Variants in COL4A6 observed in about 807,000 individuals in gnomAD.
COL4A6 encodes collagen type IV alpha 6 chain, also known as collagen alpha-6(IV) chain.
In COL4A6, 59 loss-of-function variants were observed where a neutral mutation model predicts 126.7. The observed-to-expected ratio is 0.47, with a 90% CI of 0.38 to 0.58. COL4A6 has a LOEUF of 0.58. COL4A6 is among the 20% of genes least tolerant of loss of function. COL4A6 has a pLI of 0.00. For missense variants in COL4A6, 1,285 were observed against 1,337.3 expected (o/e 0.96, Z 0.61); for synonymous variants, 547 against 496.6 (o/e 1.10, Z -1.35).
Position 108,356,303 on chromosome X carries a change from A to G in COL4A6, c.64-45475T>C, listed in dbSNP as rs777130339. On this transcript the variant is annotated intron_variant, in intron 2 of 44. Coordinates refer to ENST00000334504, the MANE Select transcript of COL4A6 (RefSeq NM_033641.4). ...TATGTAACTAACCTGCACATTGTGC[A>G]TATGTACCCTAAAACTTAAAGTATA... is the stretch of plus-strand genomic sequence containing the variant. 1.5e-3 allele frequency among the ~76,000 whole-genome samples: 168 copies of G among 110,334 alleles called. 12 individuals carry two copies. Among genetic ancestry groups the G allele is most frequent in the Non-Finnish European group, 4.7e-4 (25 of 52,812 alleles).
At chrX:108,241,551 AT>A (rs2036573225) in intron 3 of COL4A6, among the ~76,000 whole-genome samples, 2 of 69,612 alleles carry the variant, frequency 2.9e-5, no homozygotes, top group African/African-American at 6.9e-5. Flanking sequence ...ATAATAGTAA[AT>A]ATATATATAT....
chrX:108,345,113 T>G (rs2148015909), intron 2 of COL4A6, among the ~76,000 whole-genome samples: 1 of 111,633 alleles, frequency 9.0e-6, no homozygotes, highest in African/African-American at 3.3e-5. Context: ...ATTTACCTGG[T>G]TTTGAGCCCT....
Position 108,156,866 on chromosome X carries a change from A to G in COL4A6, c.*134T>C, listed in dbSNP as rs2148042589. ...TGGGGTGACGAGTGTCCGGTAGTCT[A>G]GCCCAAATGAGACTCCAATGTACAA... On this transcript the variant is annotated 3_prime_UTR_variant, in exon 45 of 45. Coordinates refer to ENST00000334504, the MANE Select transcript of COL4A6 (RefSeq NM_033641.4). The G allele has an allele frequency of 1.5e-6, 1 of 665,026 alleles. No homozygotes were observed. Among genetic ancestry groups the G allele is most frequent in the East Asian group, 3.2e-5 (1 of 31,120 alleles). The allele number at this position is 665,026 out of a possible 1,213,427, so 54.8% of individuals were successfully genotyped here. A position where few individuals can be genotyped will look rare whatever the true frequency, so the allele number is the denominator to read the frequency against.
chrX:108,161,580 T>TACC, intron 42 of COL4A6, 39 bp downstream of exon 42: 1 of 644,865 alleles, frequency 1.6e-6, no homozygotes, highest in Non-Finnish European at 2.3e-6. Context: ...CAGACCACCA[T>TACC]CCCCGCCCCG....
intron 3 of COL4A6, among the ~76,000 whole-genome samples, chrX:108,240,847 C>T (rs1394362414): frequency 1.8e-5 from 2 of 112,331 alleles, no homozygotes; most frequent in African/African-American, 6.5e-5. Context: ...AAAAACATTA[C>T]TAACTATGGT....
chrX:108,439,283 C>A (rs978041334), upstream of COL4A6: 4 of 432,835 alleles, frequency 9.2e-6, no homozygotes, highest in African/African-American at 1.0e-4. Context: ...ATTACCAATA[C>A]CTGCTGAATG....
chrX:108,265,643 G>C (rs764856384), intron 3 of COL4A6, among the ~76,000 whole-genome samples: 1 of 110,702 alleles, frequency 9.0e-6, no homozygotes, highest in Non-Finnish European at 1.9e-5. Flanking sequence ...AGTGGACAAA[G>C]AAACAGTTGA....
chrX:108,336,749 T>C (rs987783402), intron 2 of COL4A6, among the ~76,000 whole-genome samples: 2 of 111,615 alleles, frequency 1.8e-5, no homozygotes, highest in Non-Finnish European at 3.8e-5. Context: ...CTTTAAAGCA[T>C]GTATGCATGT....
chrX:108,430,600 G>A (rs2064160675), intron 2 of COL4A6, among the ~76,000 whole-genome samples: 1 of 111,846 alleles, frequency 8.9e-6, no homozygotes, highest in African/African-American at 3.3e-5. Flanking sequence ...GATGTATGAA[G>A]TTTGAAACCA....
chrX:108,229,649 T>G (rs2036258192), intron 3 of COL4A6, among the ~76,000 whole-genome samples: 1 of 112,656 alleles, frequency 8.9e-6, no homozygotes, highest in Non-Finnish European at 1.9e-5. Flanking sequence ...AAAAGTTATT[T>G]GTTGTTATTG....
At chrX:108,162,521 G>A (rs1324536564) in intron 41 of COL4A6, among the ~76,000 whole-genome samples, 3 of 111,041 alleles carry the variant, frequency 2.7e-5, no homozygotes, top group African/African-American at 6.6e-5. Context: ...GACCCAGAGA[G>A]ACTTCTAACT....
Position 108,165,380 on chromosome X carries a change from A to G in COL4A6, c.3798T>C (p.Asp1266=). ...GCTTCCTGTCTTTACCTCGTTCTCC[A>G]TCTAGGCCTGGTCGCCCGGGGTCAC... ...QPGDPGRPGL[D]GERGRPGPAG... The change falls in exon 38 of 45, where the codon GAT becomes GAC. Residue 1266 remains aspartate, a synonymous_variant. Transcript: ENST00000334504. The G allele has an allele frequency of 8.3e-7, 1 of 1,207,137 alleles. No homozygotes were observed. The highest frequency in any genetic ancestry group is 1.8e-5 in the South Asian group (1 of 56,755).
intron 2 of COL4A6, among the ~76,000 whole-genome samples, chrX:108,373,852 T>G (rs184753316): frequency 1.4e-3 from 152 of 112,480 alleles, no homozygotes; most frequent in Non-Finnish European, 1.9e-3. Context: ...CCTTTAAAAT[T>G]GTTTTCCTTT....
chrX:108,427,109 C>T (rs2064100416), intron 2 of COL4A6, among the ~76,000 whole-genome samples: 2 of 111,974 alleles, frequency 1.8e-5, no homozygotes, highest in South Asian at 3.7e-4. Context: ...ATGTCAATTA[C>T]ACCCCACATA....
At chrX:108,257,000 A>C (rs2037023724) in intron 3 of COL4A6, among the ~76,000 whole-genome samples, 1 of 111,812 alleles carries the variant, frequency 8.9e-6, no homozygotes, top group Non-Finnish European at 1.9e-5. Flanking sequence ...AGGGGAAGAA[A>C]GTAGTTTGGA....
chrX:108,346,359 A>C (rs897899452), intron 2 of COL4A6, among the ~76,000 whole-genome samples: 3 of 110,305 alleles, frequency 2.7e-5, no homozygotes, highest in Non-Finnish European at 5.7e-5. Flanking sequence ...CTCAACTAGT[A>C]CTCTTAACTC....
At position 108,391,222 on chromosome X, in the gene COL4A6, T is replaced by C. The variant is rs182863558; in HGVS notation, c.63+46720A>G. ...CAGTCCCTTATCAGAGCACAAACGC[T>C]GTGCTGGGAGAACCGCTGCTCTCTT... On this transcript the variant is annotated intron_variant, in intron 2 of 44. Coordinates refer to ENST00000334504, the MANE Select transcript of COL4A6 (RefSeq NM_033641.4). Among the ~76,000 whole-genome samples the C allele has an allele frequency of 1.6e-3, 176 of 112,091 alleles. No individual in the cohort carries two copies. In the East Asian group the frequency reaches 0.037, roughly 24 times the overall value.
intron 2 of COL4A6, among the ~76,000 whole-genome samples, chrX:108,424,428 T>G (rs1262251223): frequency 8.9e-6 from 1 of 112,004 alleles, no homozygotes; most frequent in African/African-American, 3.2e-5. Flanking sequence ...TTAGAAGAAA[T>G]CATAAAATCA....
intron 5 of COL4A6, 128 bp downstream of exon 5, chrX:108,219,570 C>T (rs1897414780): frequency 6.5e-6 from 4 of 615,558 alleles, no homozygotes; most frequent in Non-Finnish European, 1.1e-5. Context: ...TAAACCTCAC[C>T]ATACATATCT....
Sources: gnomAD v4.1 joint callset for allele counts (sites outside exome capture counted in the v4.1 genomes callset) on GRCh38, gnomAD v4.1.1 for gene constraint, MANE v1.5 for transcripts, NCBI Gene and HGNC (gene_info 2026-07-23, HGNC 2026-07-21) for gene names.